Variants in PRIM2 observed in about 807,000 individuals in gnomAD.
PRIM2 encodes the protein DNA primase subunit 2.
A neutral mutation model predicts 67.3 loss-of-function variants in PRIM2; 39 were observed. The ratio of observed to expected loss-of-function variants is 0.58; its 90% CI spans 0.45 to 0.76. The LOEUF (loss-of-function observed/expected upper bound fraction) is 0.76, where lower values mean the gene tolerates loss of function less well. PRIM2 is among the 30% of genes least tolerant of loss of function. The pLI, the probability that PRIM2 is intolerant of heterozygous loss-of-function variation, is 0.00. For synonymous variants in PRIM2, 143 were observed against 198.7 expected, an observed-to-expected ratio of 0.72 and a Z score of 2.36; for missense variants, 398 against 598.7, an observed-to-expected ratio of 0.66 and a Z score of 3.50.
chr6:57,608,869 A>G (rs1389360436), intron 12 of PRIM2, among the ~76,000 whole-genome samples: 1 of 152,186 alleles, frequency 6.6e-6, no homozygotes, highest in Non-Finnish European at 1.5e-5. Flanking sequence ...CTTGATGAAG[A>G]TATAAAAGAA....
intron 5 of PRIM2, among the ~76,000 whole-genome samples, chr6:57,335,483 C>T (rs1251981512): frequency 2.6e-5 from 4 of 152,164 alleles, no homozygotes; most frequent in Admixed American, 2.6e-4. Context: ...TTGAAGAGAG[C>T]AGTGGTTCTC....
chr6:57,222,161 C>T, the PRIM2 span: 1 of 152,262 alleles, frequency 6.6e-6, no homozygotes, highest in Admixed American at 6.5e-5. Flanking sequence ...CCCTCTTTCG[C>T]TCTCTTAAGA....
rs1190106308 is a variant in PRIM2 at position 57,646,348 on chromosome 6, G to A, written c.*190G>A. ...GCCTCCCAAGTAGTTAGGACCACAG[G>A]TGTGCACCTCATATCCAGATAATTT... On this transcript the variant is annotated 3_prime_UTR_variant, in exon 14 of 14. Transcript: ENST00000615550. 1 of 587,810 alleles carries A rather than the reference G, an allele frequency of 1.7e-6. No homozygotes were observed. 36.4% of individuals were successfully genotyped at this position (587,810 alleles called of 1,614,324 possible). A position where few individuals can be genotyped will look rare whatever the true frequency, so the allele number is the denominator to read the frequency against.
At chr6:57,616,192 G>A (rs1333852094) in intron 12 of PRIM2, among the ~76,000 whole-genome samples, 2 of 152,314 alleles carry the variant, frequency 1.3e-5, no homozygotes, top group Admixed American at 1.3e-4. Context: ...ATGGTGGTTT[G>A]TTTTATTTTT....
intron 7 of PRIM2, among the ~76,000 whole-genome samples, chr6:57,451,360 C>T (rs1307467288): frequency 5.3e-5 from 8 of 151,986 alleles, no homozygotes; most frequent in Non-Finnish European, 1.2e-4. Flanking sequence ...AGGCTGGTCT[C>T]GAAACCCTGA....
intron 10 of PRIM2, among the ~76,000 whole-genome samples, chr6:57,574,069 A>G (rs1337869002): frequency 2.6e-5 from 4 of 151,968 alleles, no homozygotes; most frequent in Non-Finnish European, 5.9e-5. Flanking sequence ...CTTCATTTGC[A>G]TAAGGTGCCT....
At chr6:57,407,648 A>T (rs1770938647) in intron 7 of PRIM2, among the ~76,000 whole-genome samples, 1 of 152,364 alleles carries the variant, frequency 6.6e-6, no homozygotes, top group Non-Finnish European at 1.5e-5. Context: ...ACACAGTGGC[A>T]CACCCACATG....
At chr6:57,313,429 A>T (rs1468017472), upstream of PRIM2, among the ~76,000 whole-genome samples, 1 of 152,138 alleles carries the variant, frequency 6.6e-6, no homozygotes, top group African/African-American at 2.4e-5. Flanking sequence ...GCACTTAGTA[A>T]GTGTTTAATT....
At chr6:57,443,678 C>A (rs562579841) in intron 7 of PRIM2, among the ~76,000 whole-genome samples, 2 of 152,042 alleles carry the variant, frequency 1.3e-5, no homozygotes, top group Non-Finnish European at 2.9e-5. Context: ...CCTTATCAGG[C>A]GTAACACTTG....
chr6:57,228,964 C>A, the PRIM2 span, among the ~76,000 whole-genome samples: 2 of 152,198 alleles, frequency 1.3e-5, no homozygotes, highest in African/African-American at 4.8e-5. Flanking sequence ...GAAATGTCTC[C>A]AAACGGACTC....
chr6:57,634,161 A>G (rs1303191506), intron 13 of PRIM2, among the ~76,000 whole-genome samples: 3 of 152,186 alleles, frequency 2.0e-5, no homozygotes, highest in Admixed American at 6.5e-5. Context: ...GTACTGTCCT[A>G]TGATATTTGG....
intron 7 of PRIM2, among the ~76,000 whole-genome samples, chr6:57,407,348 A>G (rs1770925142): frequency 6.6e-6 from 1 of 151,908 alleles, no homozygotes; most frequent in African/African-American, 2.4e-5. Flanking sequence ...TTTGTTCAAA[A>G]TATTAAGAAG....
At chr6:57,338,058 C>A (rs1206352043) in intron 5 of PRIM2, among the ~76,000 whole-genome samples, 2 of 151,768 alleles carry the variant, frequency 1.3e-5, no homozygotes, top group Non-Finnish European at 2.9e-5. Context: ...TACAAACTAC[C>A]ATCAGAGAAT....
intron 10 of PRIM2, among the ~76,000 whole-genome samples, chr6:57,586,474 G>A (rs1377836834): frequency 7.2e-4 from 110 of 152,262 alleles, no homozygotes; most frequent in African/African-American, 2.5e-3. Context: ...CTGGAGAAGT[G>A]TAATGACAAA....
intron 7 of PRIM2, among the ~76,000 whole-genome samples, chr6:57,463,898 C>T (rs1259116132): frequency 6.6e-6 from 1 of 152,152 alleles, no homozygotes; most frequent in Non-Finnish European, 1.5e-5. Flanking sequence ...GATCGAGTCC[C>T]TGCCTCTTCC....
chr6:57,369,403 G>A (rs575114849), intron 5 of PRIM2, among the ~76,000 whole-genome samples: 120 of 152,294 alleles, frequency 7.9e-4, no homozygotes, highest in African/African-American at 2.9e-3. Context: ...AAAACCCAGT[G>A]TAATTTTTAC....
At chr6:57,599,949 A>G (rs1400883509) in intron 10 of PRIM2, among the ~76,000 whole-genome samples, 2 of 152,162 alleles carry the variant, frequency 1.3e-5, no homozygotes, top group Admixed American at 1.3e-4. Flanking sequence ...CACCACACAC[A>G]GCTAATATTT....
chr6:57,631,728 T>C (rs1300102818), intron 12 of PRIM2, among the ~76,000 whole-genome samples: 3 of 152,210 alleles, frequency 2.0e-5, no homozygotes, highest in African/African-American at 4.8e-5. Flanking sequence ...AATATCTAAA[T>C]AGTATACTTG....
chr6:57,568,200 G>A (rs1364334395), intron 10 of PRIM2, among the ~76,000 whole-genome samples: 1 of 152,134 alleles, frequency 6.6e-6, no homozygotes, highest in Non-Finnish European at 1.5e-5. Flanking sequence ...ATAAATCAGA[G>A]TGGGTATGCC....
Sources: allele counts gnomAD v4.1 joint callset (sites outside exome capture counted in the v4.1 genomes callset), GRCh38; gene constraint gnomAD v4.1.1; transcripts MANE v1.5; gene names NCBI Gene and HGNC (gene_info 2026-07-23, HGNC 2026-07-21).